Variants in SPMIP6 observed in about 807,000 individuals in gnomAD.
The protein encoded by SPMIP6 is sperm microtubule inner protein 6, also known as ciliated bronchial epithelial protein 1.
the SPMIP6 span, chr9:34,397,665 T>C: frequency 6.4e-7 from 1 of 1,554,594 alleles, no homozygotes; most frequent in Non-Finnish European, 8.7e-7. Context: ...TGGTGGGCTC[T>C]ACCTGTCAAG....
chr9:34,393,052 A>G, the SPMIP6 span, among the ~76,000 whole-genome samples: 1 of 152,232 alleles, frequency 6.6e-6, no homozygotes, highest in East Asian at 1.9e-4. Flanking sequence ...CTTTCCAAAT[A>G]TCATGCAGAT....
At chr9:34,379,111 C>T in the SPMIP6 span, 1 of 1,613,506 alleles carries the variant, frequency 6.2e-7, no homozygotes. The surrounding 1 kb of genome is among the most constrained non-coding windows in gnomAD (Gnocchi z 4.2). Flanking sequence ...GTCTCAGACA[C>T]AAACTCAGGA....
chr9:34,390,497 G>C, the SPMIP6 span, among the ~76,000 whole-genome samples: 1 of 151,544 alleles, frequency 6.6e-6, no homozygotes, highest in African/African-American at 2.4e-5. Flanking sequence ...TTTTTTTCTT[G>C]AATCTGTTAA....
At chr9:34,386,313 C>T in the SPMIP6 span, among the ~76,000 whole-genome samples, 7 of 152,164 alleles carry the variant, frequency 4.6e-5, no homozygotes, top group African/African-American at 7.2e-5. Flanking sequence ...ATGTAATTCC[C>T]GGCTGGGCGT....
the SPMIP6 span, among the ~76,000 whole-genome samples, chr9:34,392,865 C>A: frequency 6.6e-6 from 1 of 152,148 alleles, no homozygotes; most frequent in Admixed American, 6.5e-5. This position sits in a 1 kb window ranked among gnomAD's most constrained non-coding sequence, Gnocchi z 4.6. Context: ...ATACACCTGG[C>A]CCAGGACCCA....
the SPMIP6 span, chr9:34,397,404 T>A: frequency 4.4e-6 from 6 of 1,361,716 alleles, no homozygotes; most frequent in African/African-American, 8.5e-5. Flanking sequence ...AACACACACA[T>A]ACACAAAGCT....
chr9:34,382,238 A>G, the SPMIP6 span, among the ~76,000 whole-genome samples: 1 of 152,176 alleles, frequency 6.6e-6, no homozygotes, highest in African/African-American at 2.4e-5. Flanking sequence ...CCAGAGATTG[A>G]GAGCCAGGGG....
At chr9:34,388,901 T>A in the SPMIP6 span, among the ~76,000 whole-genome samples, 1 of 151,890 alleles carries the variant, frequency 6.6e-6, no homozygotes, top group African/African-American at 2.4e-5. Context: ...TGTTTGTGGC[T>A]TCTGTCTTTA....
At chr9:34,379,106 A>C in the SPMIP6 span, 2 of 1,612,566 alleles carry the variant, frequency 1.2e-6, no homozygotes, top group African/African-American at 1.3e-5. The surrounding 1 kb of genome is among the most constrained non-coding windows in gnomAD (Gnocchi z 4.2). Context: ...GATAGGTCTC[A>C]GACACAAACT....
At chr9:34,379,771 C>T in the SPMIP6 span, 1 of 1,518,136 alleles carries the variant, frequency 6.6e-7, no homozygotes, top group Non-Finnish European at 9.1e-7. The surrounding 1 kb of genome is among the most constrained non-coding windows in gnomAD (Gnocchi z 4.2). Context: ...AGGGGTTGGG[C>T]CTTTTGACTC....
the SPMIP6 span, among the ~76,000 whole-genome samples, chr9:34,389,012 G>T: frequency 6.8e-6 from 1 of 146,860 alleles, no homozygotes; most frequent in African/African-American, 2.5e-5. Context: ...GTTCACTGCA[G>T]TCTCTACCTC....
At chr9:34,380,714 C>G in the SPMIP6 span, 1 of 1,548,438 alleles carries the variant, frequency 6.5e-7, no homozygotes, top group African/African-American at 1.4e-5. Context: ...TCTCCCGCCT[C>G]AGTTGTTAGT....
At chr9:34,397,084 C>T in the SPMIP6 span, among the ~76,000 whole-genome samples, 2 of 152,178 alleles carry the variant, frequency 1.3e-5, no homozygotes, top group African/African-American at 4.8e-5. Context: ...TTTGTGATCA[C>T]TTGTCTGGAA....
the SPMIP6 span, among the ~76,000 whole-genome samples, chr9:34,387,671 A>AT: frequency 6.6e-6 from 1 of 152,192 alleles, no homozygotes; most frequent in Admixed American, 6.5e-5. Flanking sequence ...GACATCGTCA[A>AT]TTTTTCTGTT....
At chr9:34,382,946 C>G in the SPMIP6 span, 1 of 992,924 alleles carries the variant, frequency 1.0e-6, no homozygotes, top group South Asian at 1.3e-5. Flanking sequence ...CTACATGTTT[C>G]TCTTCCGATT....
At chr9:34,391,326 A>AT in the SPMIP6 span, among the ~76,000 whole-genome samples, 4 of 152,012 alleles carry the variant, frequency 2.6e-5, no homozygotes, top group Admixed American at 6.5e-5. Context: ...AGATTTGTCT[A>AT]TTTTATGAGC....
chr9:34,394,966 CTTT>C, the SPMIP6 span, among the ~76,000 whole-genome samples: 2 of 144,204 alleles, frequency 1.4e-5, no homozygotes, highest in African/African-American at 5.1e-5. Flanking sequence ...TTCCTTCATT[CTTT>C]TTTTTTTTTT....
At chr9:34,380,753 C>A in the SPMIP6 span, 1 of 1,545,902 alleles carries the variant, frequency 6.5e-7, no homozygotes, top group Non-Finnish European at 8.7e-7. Context: ...GGGCGGGACA[C>A]GGCAGGGCCT....
At chr9:34,395,166 A>G in the SPMIP6 span, among the ~76,000 whole-genome samples, 2 of 152,014 alleles carry the variant, frequency 1.3e-5, no homozygotes, top group Non-Finnish European at 2.9e-5. Flanking sequence ...TTTCACCATG[A>G]TGCCCAGGCT....
Sources: allele counts gnomAD v4.1 joint callset (sites outside exome capture counted in the v4.1 genomes callset), GRCh38; gene constraint gnomAD v4.1.1; non-coding constraint Gnocchi (gnomAD v3.1); transcripts MANE v1.5; gene names NCBI Gene and HGNC (gene_info 2026-07-23, HGNC 2026-07-21).